The following BRAF variants were observed in gnomAD, a reference collection of about 807,000 sequenced individuals.
BRAF encodes the protein B-Raf proto-oncogene, serine/threonine kinase, also known as serine/threonine-protein kinase B-raf.
Under a neutral mutation model 104.6 loss-of-function variants are expected in BRAF, and 16 were observed. The ratio of observed to expected loss-of-function variants is 0.15; its 90% CI spans 0.10 to 0.23. The LOEUF is 0.23. Among genes scored for constraint, BRAF ranks in the 10% least tolerant of loss-of-function variants. The pLI is 1.00. For missense variants in BRAF, 541 were observed against 937.3 expected, an observed-to-expected ratio of 0.58 and a Z score of 5.52; for synonymous variants, 310 against 341.6, an observed-to-expected ratio of 0.91 and a Z score of 1.02.
intron 17 of BRAF, chr7:140,740,677 G>C (rs537906207): frequency 3.2e-4 from 49 of 152,446 alleles, no homozygotes; most frequent in African/African-American, 1.2e-3. Flanking sequence ...GGTGCAACAG[G>C]GGGAGAGTAG....
chr7:140,787,288 G>A (rs1326484926), intron 9 of BRAF, among the ~76,000 whole-genome samples: 2 of 123,102 alleles, frequency 1.6e-5, no homozygotes, highest in African/African-American at 3.1e-5. Flanking sequence ...GCGACAGAGC[G>A]AGACTCCGTC....
At position 140,724,655 on chromosome 7, in the gene BRAF, C is replaced by G; in HGVS notation, c.*1839G>C. 1 of 1,034,528 alleles carries G rather than the reference C, an allele frequency of 9.7e-7. No individual in the cohort carries two copies. Among genetic ancestry groups the G allele is most frequent in the Non-Finnish European group, 1.2e-6 (1 of 859,654 alleles). 64.1% of individuals were successfully genotyped at this position (1,034,528 alleles called of 1,614,324 possible). A position where few individuals can be genotyped will look rare whatever the true frequency, so the allele number is the denominator to read the frequency against. ...TTAGCAAAAATCTAATGGTAGTGAG[C>G]TTTTAGTGGCTGCAATATAGACAGC... On this transcript the variant is annotated 3_prime_UTR_variant, in exon 20 of 20. Transcript: ENST00000644969.
intron 17 of BRAF, 95 bp downstream of exon 16, chr7:140,749,192 C>A (rs976951207): frequency 2.6e-6 from 4 of 1,538,828 alleles, no homozygotes; most frequent in Non-Finnish European, 2.7e-6. Context: ...AGAAATCTAT[C>A]CTTCACGCTT....
intron 17 of BRAF, chr7:140,740,250 C>G: frequency 3.7e-6 from 1 of 271,780 alleles, no homozygotes; most frequent in Non-Finnish European, 7.0e-6. Context: ...TAAAACAGAT[C>G]TGACAGTGCC....
intron 1 of BRAF, among the ~76,000 whole-genome samples, chr7:140,919,452 T>C (rs570089247): frequency 8.3e-4 from 126 of 152,114 alleles, no homozygotes; most frequent in Middle Eastern, 3.4e-3. Context: ...AGGAAGGAAT[T>C]AGAATAATAG....
intron 3 of BRAF, among the ~76,000 whole-genome samples, chr7:140,814,498 C>T (rs1395603125): frequency 1.3e-5 from 2 of 151,756 alleles, no homozygotes; most frequent in South Asian, 2.1e-4. Flanking sequence ...AACCCCATCT[C>T]TATTAAAAAC....
chr7:140,829,003 T>G (rs1307899757), intron 3 of BRAF, among the ~76,000 whole-genome samples: 1 of 152,236 alleles, frequency 6.6e-6, no homozygotes, highest in Non-Finnish European at 1.5e-5. Flanking sequence ...CATGCTTTAC[T>G]GTTCATTTGG....
At chr7:140,854,322 C>A (rs1453779899) in intron 1 of BRAF, among the ~76,000 whole-genome samples, 1 of 152,054 alleles carries the variant, frequency 6.6e-6, no homozygotes, top group Non-Finnish European at 1.5e-5. Context: ...GAAACATTTT[C>A]TTTTTTTGTC....
chr7:140,747,585 G>A (rs1562938301), intron 17 of BRAF: 1 of 303,064 alleles, frequency 3.3e-6, no homozygotes, highest in East Asian at 9.8e-5. Context: ...ATTTCATCCA[G>A]ATCTTAGGTT....
intron 1 of BRAF, among the ~76,000 whole-genome samples, chr7:140,913,377 A>C (rs1177132358): frequency 6.6e-6 from 1 of 151,856 alleles, no homozygotes. Context: ...ATATTTACTG[A>C]ATACATGAAT....
intron 8 of BRAF, among the ~76,000 whole-genome samples, chr7:140,790,543 G>A (rs1245845238): frequency 6.6e-6 from 1 of 151,964 alleles, no homozygotes; most frequent in East Asian, 1.9e-4. Flanking sequence ...TTCTTATTAT[G>A]TACCAGGCAT....
At chr7:140,747,282 A>C (rs2128992622) in intron 17 of BRAF, 2 of 659,696 alleles carry the variant, frequency 3.0e-6, no homozygotes, top group Middle Eastern at 3.3e-4. Context: ...CTTCTCCATT[A>C]AATACTTAAC....
At chr7:140,870,806 A>T (rs1390017843) in intron 1 of BRAF, among the ~76,000 whole-genome samples, 1 of 151,120 alleles carries the variant, frequency 6.6e-6, no homozygotes, top group African/African-American at 2.4e-5. Flanking sequence ...TTCTTCAAGA[A>T]TTTTTTTTCT....
At chr7:140,830,131 A>G (rs752224362) in intron 3 of BRAF, among the ~76,000 whole-genome samples, 10 of 152,202 alleles carry the variant, frequency 6.6e-5, no homozygotes, top group Non-Finnish European at 1.3e-4. Flanking sequence ...CTCAATTTTT[A>G]TATCAAACTG....
At chr7:140,732,556 G>T (rs1195257498) in intron 19 of BRAF, 1 of 152,150 alleles carries the variant, frequency 6.6e-6, no homozygotes, top group African/African-American at 2.4e-5. Flanking sequence ...GAATTACTCT[G>T]TGACACTTTG....
intron 14 of BRAF, among the ~76,000 whole-genome samples, chr7:140,763,139 G>C (rs1798924405): frequency 6.6e-6 from 1 of 152,244 alleles, no homozygotes; most frequent in Non-Finnish European, 1.5e-5. Context: ...TCCCAGACGG[G>C]GTGGTGGCCG....
intron 1 of BRAF, among the ~76,000 whole-genome samples, chr7:140,851,601 G>C (rs1380482477): frequency 6.6e-6 from 1 of 152,100 alleles, no homozygotes; most frequent in Non-Finnish European, 1.5e-5. Flanking sequence ...TCTAGGTATA[G>C]GATTCCAGGA....
At chr7:140,834,914 C>T (rs745952499) in intron 2 of BRAF, 42 bp from the exon 3 acceptor site, 1 of 1,607,196 alleles carries the variant, frequency 6.2e-7, no homozygotes, top group Non-Finnish European at 8.5e-7. Context: ...GGACTTTGTC[C>T]TGACATTAAC....
At chr7:140,814,520 C>A (rs1358018079) in intron 3 of BRAF, among the ~76,000 whole-genome samples, 1 of 151,658 alleles carries the variant, frequency 6.6e-6, no homozygotes, top group African/African-American at 2.4e-5. Flanking sequence ...CAAAAATTAG[C>A]CAGGCATGGT....
Sources: gnomAD v4.1 joint callset for allele counts (sites outside exome capture counted in the v4.1 genomes callset) on GRCh38, gnomAD v4.1.1 for gene constraint, MANE v1.5 for transcripts, NCBI Gene and HGNC (gene_info 2026-07-23, HGNC 2026-07-21) for gene names.